BMPR2: variants seen among roughly 807,000 people sequenced by gnomAD.
The protein encoded by BMPR2 is bone morphogenetic protein receptor type-2.
In BMPR2, 29 loss-of-function variants were observed where a neutral mutation model predicts 100.8. That is an observed-to-expected ratio of 0.29 (90% CI 0.21 to 0.39). The LOEUF is 0.39. BMPR2 is among the 10% of genes least tolerant of loss of function. The pLI is 1.00. For missense variants in BMPR2, 1,011 were observed against 1,274.5 expected (o/e 0.79, Z 3.15); for synonymous variants, 382 against 442.3 (o/e 0.86, Z 1.71).
intron 1 of BMPR2, among the ~76,000 whole-genome samples, chr2:202,405,690 A>C (rs1690876845): frequency 8.8e-6 from 1 of 113,616 alleles, no homozygotes; most frequent in Admixed American, 9.0e-5. Flanking sequence ...TCCGCCTCAA[A>C]AAAAAAAAAA....
At chr2:202,542,955 TTGCC>T (rs1311057651) in intron 10 of BMPR2, among the ~76,000 whole-genome samples, 1 of 151,782 alleles carries the variant, frequency 6.6e-6, no homozygotes, top group Non-Finnish European at 1.5e-5. Flanking sequence ...GGCGGGCAGA[TTGCC>T]TGAGCTCAGG....
intron 1 of BMPR2, among the ~76,000 whole-genome samples, chr2:202,419,806 A>G (rs770867098): frequency 1.3e-5 from 2 of 152,176 alleles, no homozygotes. Context: ...TACTCTTTAC[A>G]ATGCTTTTCC....
At chr2:202,497,867 C>T (rs533499649) in intron 3 of BMPR2, among the ~76,000 whole-genome samples, 1 of 152,284 alleles carries the variant, frequency 6.6e-6, no homozygotes, top group Admixed American at 6.5e-5. Context: ...TCTTTAGGCA[C>T]CTGGGCTCAC....
chr2:202,484,603 G>A (rs972106846), intron 3 of BMPR2, among the ~76,000 whole-genome samples: 1 of 151,732 alleles, frequency 6.6e-6, no homozygotes, highest in African/African-American at 2.4e-5. Context: ...AACCTGGGAG[G>A]CGGAGGTTGC....
chr2:202,403,558 T>TC (rs749909085), intron 1 of BMPR2, among the ~76,000 whole-genome samples: 1 of 152,232 alleles, frequency 6.6e-6, no homozygotes, highest in Non-Finnish European at 1.5e-5. Flanking sequence ...GTAAAAGTGA[T>TC]ACCTCTAGAA....
chr2:202,516,141 T>C (rs1316767701), intron 5 of BMPR2, among the ~76,000 whole-genome samples: 1 of 152,170 alleles, frequency 6.6e-6, no homozygotes, highest in Non-Finnish European at 1.5e-5. Flanking sequence ...ATGATGAGTG[T>C]TTTTATATTT....
rs765887545 is a variant in BMPR2 at position 202,555,415 on chromosome 2, C to G, written c.1750C>G (p.Arg584Gly). Residue 584 changes from arginine (R) to glycine (G), a missense_variant, in exon 12 of 13, where the codon CGA becomes GGA. Coordinates refer to ENST00000374580, the MANE Select transcript of BMPR2 (RefSeq NM_001204.7). ...ACCTTTGACTATAGGGGAAAAAAAC[C>G]GAAATTCAATTAACTATGAACGACA... Reference protein sequence around the residue: ...STPLTIGEKNRNSINYERQQA... With the variant: ...STPLTIGEKNGNSINYERQQA... 4 of 1,614,106 alleles carry G rather than the reference C, an allele frequency of 2.5e-6. No individual in the cohort carries two copies. Among genetic ancestry groups the G allele is most frequent in the Non-Finnish European group, 3.4e-6 (4 of 1,180,026 alleles).
intron 3 of BMPR2, chr2:202,474,942 A>G (rs1356318162): frequency 1.3e-5 from 2 of 152,182 alleles, no homozygotes; most frequent in African/African-American, 4.8e-5. Context: ...AAAGAGAAAA[A>G]TGACATAAGT....
At chr2:202,520,382 C>A in intron 7 of BMPR2, 181 bp downstream of exon 7, 1 of 626,460 alleles carries the variant, frequency 1.6e-6, no homozygotes, top group Non-Finnish European at 2.8e-6. Context: ...CTTTCCCACG[C>A]AGCTGCCAAG....
intron 1 of BMPR2, among the ~76,000 whole-genome samples, chr2:202,421,825 G>A (rs1214105813): frequency 6.6e-6 from 1 of 151,946 alleles, no homozygotes; most frequent in African/African-American, 2.4e-5. Context: ...TTTTTAATGT[G>A]GGATGGGTTG....
At chr2:202,544,077 G>A (rs747131799) in intron 10 of BMPR2, among the ~76,000 whole-genome samples, 2 of 152,122 alleles carry the variant, frequency 1.3e-5, no homozygotes, top group Non-Finnish European at 2.9e-5. Flanking sequence ...CAGAGGTGGA[G>A]GTTGCAGCGA....
At chr2:202,388,807 G>A (rs957061090) in intron 1 of BMPR2, among the ~76,000 whole-genome samples, 9 of 149,422 alleles carry the variant, frequency 6.0e-5, no homozygotes, top group African/African-American at 2.0e-4. Context: ...AAAAAAGCAA[G>A]ATTTTAGTCT....
intron 1 of BMPR2, among the ~76,000 whole-genome samples, chr2:202,406,135 A>G (rs1455399615): frequency 6.6e-6 from 1 of 152,228 alleles, no homozygotes; most frequent in Non-Finnish European, 1.5e-5. Flanking sequence ...GGGTGGCCCT[A>G]TCTCTACCTT....
Position 202,566,727 on chromosome 2 carries a change from G to C in BMPR2, c.*6781G>C, listed in dbSNP as rs1047937936. On this transcript the variant is annotated 3_prime_UTR_variant, in exon 13 of 13. Transcript: ENST00000374580. The stretch of plus-strand genomic sequence containing the variant: ...TAAATATTTTATAACTTTAGTAATA[G>C]CTTGGATGGTTTTGAGAAAATAACC... 14 of 152,234 alleles carry C rather than the reference G, an allele frequency of 9.2e-5. No individual in the cohort carries two copies. Among genetic ancestry groups the C allele is most frequent in the African/African-American group, 3.1e-4 (13 of 41,540 alleles). The allele number at this position is 152,234 out of a possible 1,614,324, so 9.4% of individuals were successfully genotyped here. A position where few individuals can be genotyped will look rare whatever the true frequency, so the allele number is the denominator to read the frequency against.
At chr2:202,496,794 G>C (rs954271626) in intron 3 of BMPR2, among the ~76,000 whole-genome samples, 4 of 152,246 alleles carry the variant, frequency 2.6e-5, no homozygotes, top group Non-Finnish European at 5.9e-5. Flanking sequence ...CTCTGCCTGG[G>C]CTCCCACTTT....
At chr2:202,511,823 C>T (rs536561846) in intron 3 of BMPR2, among the ~76,000 whole-genome samples, 56 of 152,000 alleles carry the variant, frequency 3.7e-4, no homozygotes, top group African/African-American at 1.3e-3. Flanking sequence ...AGTTCAAGAC[C>T]GATCTGGTTA....
chr2:202,542,266 A>T, intron 9 of BMPR2, 45 bp from the exon 10 acceptor site: 1 of 1,606,160 alleles, frequency 6.2e-7, no homozygotes, highest in South Asian at 1.1e-5. Flanking sequence ...ATCATTTATG[A>T]TAGTTAGAAA....
intron 10 of BMPR2, among the ~76,000 whole-genome samples, chr2:202,551,578 G>A (rs1188160027): frequency 6.6e-6 from 1 of 152,094 alleles, no homozygotes; most frequent in Non-Finnish European, 1.5e-5. Context: ...ACTATTATAG[G>A]GAGACTATTG....
At chr2:202,484,989 GA>G (rs1692744422) in intron 3 of BMPR2, among the ~76,000 whole-genome samples, 7 of 125,114 alleles carry the variant, frequency 5.6e-5, no homozygotes, top group Non-Finnish European at 1.2e-4. Flanking sequence ...AAAAAAAAAA[GA>G]AAGAAAGAAG....
Sources: allele counts gnomAD v4.1 joint callset (sites outside exome capture counted in the v4.1 genomes callset), GRCh38; gene constraint gnomAD v4.1.1; transcripts MANE v1.5; gene names NCBI Gene and HGNC (gene_info 2026-07-23, HGNC 2026-07-21).